The following PAM variants were observed in gnomAD, a reference collection of about 807,000 sequenced individuals.
PAM encodes peptidylglycine alpha-amidating monooxygenase, also known as peptidyl-glycine alpha-amidating monooxygenase.
In PAM, 72 loss-of-function variants were observed where a neutral mutation model predicts 122.1. The observed-to-expected ratio is 0.59, with a 90% CI of 0.49 to 0.72. The LOEUF is 0.72. Among genes scored for constraint, PAM ranks in the 30% least tolerant of loss-of-function variants. The pLI, the probability that PAM is intolerant of heterozygous loss-of-function variation, is 0.00. For synonymous variants in PAM, 389 were observed against 404.4 expected, an observed-to-expected ratio of 0.96 and a Z score of 0.46; for missense variants, 1,106 against 1,183.7, an observed-to-expected ratio of 0.93 and a Z score of 0.96.
intron 12 of PAM, among the ~76,000 whole-genome samples, chr5:102,953,811 C>T (rs1328029995): frequency 6.6e-6 from 1 of 152,118 alleles, no homozygotes; most frequent in Non-Finnish European, 1.5e-5. Context: ...GTCAGGAGTT[C>T]AAGACCAGCT....
At chr5:102,953,394 T>TGTCA (rs1240571645) in intron 12 of PAM, among the ~76,000 whole-genome samples, 1 of 152,132 alleles carries the variant, frequency 6.6e-6, no homozygotes, top group Admixed American at 6.6e-5. Flanking sequence ...GGGGGGGGAA[T>TGTCA]CCTGTCATTT....
At chr5:102,880,572 A>G (rs868639742) in intron 3 of PAM, among the ~76,000 whole-genome samples, 27 of 152,130 alleles carry the variant, frequency 1.8e-4, no homozygotes, top group Non-Finnish European at 3.2e-4. Flanking sequence ...TTTTCTGCAC[A>G]ATCCCTGGAA....
At chr5:102,988,353 G>C (rs961770877) in intron 15 of PAM, among the ~76,000 whole-genome samples, 8 of 143,100 alleles carry the variant, frequency 5.6e-5, no homozygotes, top group Non-Finnish European at 8.8e-5. Context: ...CCTTGGGAAG[G>C]ATTCTGGGCC....
intron 1 of PAM, among the ~76,000 whole-genome samples, chr5:102,762,631 A>G (rs1752681210): frequency 1.3e-5 from 2 of 152,184 alleles, no homozygotes; most frequent in East Asian, 3.8e-4. Context: ...AGAATTTAGA[A>G]TTATATTGGT....
chr5:102,902,260 T>C (rs145014571), intron 4 of PAM, among the ~76,000 whole-genome samples: 3 of 151,676 alleles, frequency 2.0e-5, no homozygotes, highest in African/African-American at 7.2e-5. Context: ...ACAGTAGCCT[T>C]GGGGCAGTCT....
At chr5:102,974,481 A>G in intron 15 of PAM, 45 bp downstream of exon 15, 2 of 1,284,222 alleles carry the variant, frequency 1.6e-6, no homozygotes, top group Non-Finnish European at 2.2e-6. Flanking sequence ...GAAATGCTAC[A>G]ATCCACGTTA....
At chr5:103,017,239 T>C (rs1246676030) in intron 21 of PAM, 95 bp from the exon 22 acceptor site, 11 of 805,792 alleles carry the variant, frequency 1.4e-5, no homozygotes, top group Non-Finnish European at 2.1e-5. Flanking sequence ...TATGTTTTGT[T>C]GTTTTGTTGT....
At chr5:102,900,852 TC>T (rs1797619321) in intron 3 of PAM, among the ~76,000 whole-genome samples, 1 of 151,560 alleles carries the variant, frequency 6.6e-6, no homozygotes, top group South Asian at 2.1e-4. Flanking sequence ...GTTGATTTCT[TC>T]AATGTATTAC....
intron 21 of PAM, among the ~76,000 whole-genome samples, chr5:103,014,830 T>A (rs1024858596): frequency 2.6e-5 from 4 of 152,182 alleles, no homozygotes; most frequent in African/African-American, 9.7e-5. Context: ...AAAATACACA[T>A]TGTCATTCCC....
At chr5:102,779,912 T>TATATAC (rs1554059684) in intron 1 of PAM, among the ~76,000 whole-genome samples, 5 of 67,884 alleles carry the variant, frequency 7.4e-5, no homozygotes, top group Non-Finnish European at 1.5e-4. Context: ...TATATATATA[T>TATATAC]ATATATACAC....
At chr5:102,841,559 A>G (rs995128234) in intron 1 of PAM, among the ~76,000 whole-genome samples, 3 of 152,178 alleles carry the variant, frequency 2.0e-5, no homozygotes, top group Middle Eastern at 3.2e-3. Context: ...AAAGAGAGGC[A>G]TTAATTTTAA....
chr5:102,909,217 A>T (rs1800642448), intron 4 of PAM, among the ~76,000 whole-genome samples: 1 of 151,804 alleles, frequency 6.6e-6, no homozygotes, highest in Non-Finnish European at 1.5e-5. Flanking sequence ...CATAGATAGG[A>T]ACACAATCAC....
At chr5:102,762,807 A>AT (rs1350022001) in intron 1 of PAM, among the ~76,000 whole-genome samples, 1 of 152,204 alleles carries the variant, frequency 6.6e-6, no homozygotes, top group East Asian at 1.9e-4. Context: ...TTTCTATTAT[A>AT]TGCCATTTCC....
At chr5:102,992,350 T>TC (rs1774349215) in intron 16 of PAM, among the ~76,000 whole-genome samples, 1 of 152,008 alleles carries the variant, frequency 6.6e-6, no homozygotes, top group Admixed American at 6.5e-5. Context: ...TAAAACTATT[T>TC]TTTTTTCTCT....
intron 1 of PAM, among the ~76,000 whole-genome samples, chr5:102,809,452 T>C (rs1767261951): frequency 6.6e-6 from 1 of 152,176 alleles, no homozygotes. Context: ...TAGATAGCTT[T>C]GCAGAGAAAA....
At chr5:102,862,800 A>G (rs1412733197) in intron 1 of PAM, among the ~76,000 whole-genome samples, 1 of 152,208 alleles carries the variant, frequency 6.6e-6, no homozygotes, top group African/African-American at 2.4e-5. Flanking sequence ...AACTGAAGCT[A>G]GAGAGGTTAG....
chr5:102,977,572 C>G (rs1768095587), intron 15 of PAM, among the ~76,000 whole-genome samples: 2 of 151,388 alleles, frequency 1.3e-5, no homozygotes, highest in South Asian at 4.2e-4. Context: ...TACACTAGAC[C>G]AGAGGTTTTC....
chr5:102,929,434 A>G (rs531856814), intron 7 of PAM, among the ~76,000 whole-genome samples: 1 of 152,358 alleles, frequency 6.6e-6, no homozygotes, highest in Non-Finnish European at 1.5e-5. Flanking sequence ...ACACATACAT[A>G]TATAATCACA....
intron 15 of PAM, among the ~76,000 whole-genome samples, chr5:102,979,255 GA>G (rs1313935745): frequency 6.6e-6 from 1 of 152,022 alleles, no homozygotes; most frequent in Non-Finnish European, 1.5e-5. Flanking sequence ...TTTTAAAAAG[GA>G]AAAGAATACT....
Sources: gnomAD v4.1 joint callset for allele counts (sites outside exome capture counted in the v4.1 genomes callset) on GRCh38, gnomAD v4.1.1 for gene constraint, MANE v1.5 for transcripts, NCBI Gene and HGNC (gene_info 2026-07-23, HGNC 2026-07-21) for gene names.